ACE: variants seen among roughly 807,000 people sequenced by gnomAD.
ACE encodes the protein angiotensin I converting enzyme, also known as angiotensin-converting enzyme.
A neutral mutation model predicts 162.3 loss-of-function variants in ACE; 122 were observed. The ratio of observed to expected loss-of-function variants is 0.75; its 90% CI spans 0.65 to 0.87. The LOEUF is 0.87. Ranked by LOEUF, ACE falls within the 40% of genes least tolerant of loss-of-function variation. The pLI is 0.00. For missense variants in ACE, 1,799 were observed against 1,735.1 expected (o/e 1.04, Z -0.65); for synonymous variants, 796 against 720.6 (o/e 1.10, Z -1.68).
At chr17:63,486,797 C>T (rs1425819717) in intron 14 of ACE, 82 bp downstream of exon 14, 9 of 1,567,074 alleles carry the variant, frequency 5.7e-6, no homozygotes, top group African/African-American at 1.4e-5. Flanking sequence ...CTTCACGCTG[C>T]TTCCTCTTCC....
At chr17:63,492,021 T>G (rs933538800) in intron 19 of ACE, among the ~76,000 whole-genome samples, 8 of 152,196 alleles carry the variant, frequency 5.3e-5, no homozygotes, top group Non-Finnish European at 1.0e-4. Context: ...CAGTTCTGGC[T>G]GTCGGTTGAG....
In ACE at chr17:63,487,018, C is replaced by G; in HGVS notation, c.2250C>G (p.Thr750=). The G allele has an allele frequency of 6.2e-7, 1 of 1,613,942 alleles. No individual in the cohort carries two copies. The highest frequency in any genetic ancestry group is 1.3e-5 in the African/African-American group (1 of 75,052). Residue 750 remains threonine (T), a synonymous_variant, in exon 15 of 25, where the codon ACC becomes ACG. Transcript: ENST00000290866. ...YNKILLDMET[T]YSVATVCHPN... is the part of the protein sequence containing the mutation. Reference sequence around the variant, plus strand: ...AGATCCTGTTGGATATGGAAACCACCTACAGCGTGGCCACTGTGTGCCACC... The same window carrying G: ...AGATCCTGTTGGATATGGAAACCACGTACAGCGTGGCCACTGTGTGCCACC...
chr17:63,484,052 C>G lies in ACE; in HGVS notation c.1709+81C>G. On this transcript the variant is annotated intron_variant, in intron 11 of 24. Coordinates refer to ENST00000290866, the MANE Select transcript of ACE (RefSeq NM_000789.4). This position sits in a 1 kb window ranked among gnomAD's most constrained non-coding sequence, Gnocchi z 4.0. ...GTGTGGCAGGAGGTGTCTGGCTGCT[C>G]TGATGGGGTGGGGGGCACCAACCAC... The G allele has an allele frequency of 6.5e-7, 1 of 1,535,338 alleles. No homozygotes were observed.
At chr17:63,489,258 T>C in intron 17 of ACE, 126 bp downstream of exon 17, 1 of 1,211,312 alleles carries the variant, frequency 8.3e-7, no homozygotes, top group Non-Finnish European at 1.2e-6. Flanking sequence ...CTGTGGGGGA[T>C]GGTTGCCCAG....
Position 63,497,810 on chromosome 17 carries a change from C to T in ACE, c.*444C>T, listed in dbSNP as rs562572132. 14 of 347,492 alleles carry T rather than the reference C, an allele frequency of 4.0e-5. No individual in the cohort carries two copies. The highest frequency in any genetic ancestry group is 2.4e-4 in the East Asian group (3 of 12,678). 21.5% of individuals were successfully genotyped at this position (347,492 alleles called of 1,614,324 possible). A position where few individuals can be genotyped will look rare whatever the true frequency, so the allele number is the denominator to read the frequency against. ...TGTCTTCCCTCCAGCCCAGGCAGCCCGCCACTGTCCTGCCACCGCAGGCAG... is the reference window on the plus strand; with the variant it reads ...TGTCTTCCCTCCAGCCCAGGCAGCCTGCCACTGTCCTGCCACCGCAGGCAG... On this transcript the variant is annotated 3_prime_UTR_variant, in exon 25 of 25. Coordinates refer to ENST00000290866, the MANE Select transcript of ACE (RefSeq NM_000789.4).
Position 63,479,756 on chromosome 17 carries a change from G to T in ACE, c.512-13G>T, listed in dbSNP as rs762008782. On this transcript the variant is annotated splice_polypyrimidine_tract_variant and intron_variant, in intron 3 of 24. Transcript: ENST00000290866. ...GGAGGCCTCCTCACCGACCCTGCCTGCCTGTGTCTCAGATCTCACCAACAT... is the reference window on the plus strand; with the variant it reads ...GGAGGCCTCCTCACCGACCCTGCCTTCCTGTGTCTCAGATCTCACCAACAT... The T allele has an allele frequency of 6.2e-7, 1 of 1,613,038 alleles. No individual in the cohort carries two copies. The highest frequency in any genetic ancestry group is 8.5e-7 in the Non-Finnish European group (1 of 1,180,012).
At chr17:63,494,577 CGG>C in intron 22 of ACE, 107 bp downstream of exon 22, 2 of 1,045,746 alleles carry the variant, frequency 1.9e-6, no homozygotes, top group Non-Finnish European at 2.9e-6. Context: ...AGGGCAGACC[CGG>C]GGGAGCCGGC....
chr17:63,483,143 C>T lies in ACE; in HGVS notation c.1457C>T (p.Ser486Phe), dbSNP rs748305912. 2 of 1,614,082 alleles carry T rather than the reference C, an allele frequency of 1.2e-6. No homozygotes were observed. Among genetic ancestry groups the T allele is most frequent in the Non-Finnish European group, 1.7e-6 (2 of 1,180,026 alleles). Reference protein sequence around the residue: ...WGVFSGRTPPSRYNFDWWYLR... With the variant: ...WGVFSGRTPPFRYNFDWWYLR... ...GTCTTTAGTGGGCGTACCCCCCCTT[C>T]CCGCTACAACTTCGACTGGTGGTAT... The change falls in exon 9 of 25, where the codon TCC (serine) becomes TTC (phenylalanine). Residue 486 changes from serine to phenylalanine, a missense_variant. Transcript: ENST00000290866.
chr17:63,483,133 A>G lies in ACE; in HGVS notation c.1447A>G (p.Thr483Ala), dbSNP rs1568038525. 3 of 1,612,798 alleles carry G rather than the reference A, an allele frequency of 1.9e-6. No individual in the cohort carries two copies. The highest frequency in any genetic ancestry group is 2.2e-5 in the East Asian group (1 of 44,830). The change falls in exon 9 of 25, where the codon ACC (threonine) becomes GCC (alanine). Residue 483 changes from threonine (T) to alanine (A), a missense_variant. By Grantham distance (58) the Thr-to-Ala change is moderately conservative. Coordinates refer to ENST00000290866, the MANE Select transcript of ACE (RefSeq NM_000789.4). The stretch of plus-strand genomic sequence containing the variant: ...GCGCTGGGGGGTCTTTAGTGGGCGT[A>G]CCCCCCCTTCCCGCTACAACTTCGA... The part of the protein sequence containing the change: ...QWRWGVFSGR[T>A]PPSRYNFDWW...
Position 63,491,298 on chromosome 17 carries a change from G to A in ACE, c.2829G>A (p.Lys943=), listed in dbSNP as rs1456982290. Residue 943 remains lysine, a synonymous_variant, in exon 19 of 25, where the codon AAG becomes AAA. Transcript: ENST00000290866. The surrounding 1 kb of genome is among the most constrained non-coding windows in gnomAD (Gnocchi z 4.4). The stretch of plus-strand genomic sequence containing the variant: ...CCGTGCCTCCTGAGTTCTGGAACAA[G>A]TCGATGCTGGAGAAGCCAACCGACG... The part of the protein sequence containing the change: ...LLPVPPEFWN[K]SMLEKPTDGR... 6.2e-7 allele frequency: 1 copy of A among 1,614,204 alleles called. No individual in the cohort carries two copies. Among genetic ancestry groups the A allele is most frequent in the African/African-American group, 1.3e-5 (1 of 75,056 alleles).
In ACE at chr17:63,481,682, G is replaced by C. The variant is rs1052121324; in HGVS notation, c.1062G>C (p.Gly354=). Reference sequence around the variant, plus strand: ...CGATGCTGGAGAAGCCGGCCGACGGGCGGGAAGTGGTGTGCCACGCCTCGG... The same window carrying C: ...CGATGCTGGAGAAGCCGGCCGACGGCCGGGAAGTGGTGTGCCACGCCTCGG... ...EGSMLEKPAD[G]REVVCHASAW... Residue 354 remains glycine, a synonymous_variant, in exon 7 of 25, where the codon GGG becomes GGC. Transcript: ENST00000290866. 43 of 1,614,084 alleles carry C rather than the reference G, an allele frequency of 2.7e-5. No homozygotes were observed. Among genetic ancestry groups the C allele is most frequent in the Non-Finnish European group, 3.5e-5 (41 of 1,180,040 alleles).
rs1006596447 is a variant in ACE, at chr17:63,484,667, C to T, written c.1921+126C>T. ...TGGTACCCTGTCCTGGAGGGCCAGG[C>T]AGCCCCCCAAGCTCATCAGCAGGGC... On this transcript the variant is annotated intron_variant, in intron 12 of 24. Transcript: ENST00000290866. This position sits in a 1 kb window ranked among gnomAD's most constrained non-coding sequence, Gnocchi z 4.0. The T allele has an allele frequency of 3.8e-5, 54 of 1,439,450 alleles. No individual in the cohort carries two copies. The highest frequency in any genetic ancestry group is 5.0e-5 in the Non-Finnish European group (54 of 1,087,806). 89.2% of individuals were successfully genotyped at this position (1,439,450 alleles called of 1,614,324 possible). A position where few individuals can be genotyped will look rare whatever the true frequency, so the allele number is the denominator to read the frequency against.
intron 23 of ACE, 63 bp downstream of exon 23, chr17:63,496,579 G>A: frequency 6.2e-7 from 1 of 1,612,080 alleles, no homozygotes. Flanking sequence ...GCCTTGAGGG[G>A]TCTGTCCACT....
chr17:63,487,165 C>T lies in ACE; in HGVS notation c.2305+92C>T, dbSNP rs1370443310. 2.5e-5 allele frequency: 27 copies of T among 1,093,834 alleles called. No individual in the cohort carries two copies. The South Asian group carries it at 3.1e-4, about 13-fold the overall frequency. The allele number at this position is 1,093,834 out of a possible 1,614,324, so 67.8% of individuals were successfully genotyped here. A position where few individuals can be genotyped will look rare whatever the true frequency, so the allele number is the denominator to read the frequency against. ...GGGTGAGAGCACAGAGTTGGGTTCC[C>T]CTCGCTCTTGGGGTCAGCGTGCCCA... On this transcript the variant is annotated intron_variant, in intron 15 of 24. Transcript: ENST00000290866.
intron 22 of ACE, 134 bp downstream of exon 22, chr17:63,494,604 G>A: frequency 1.3e-6 from 1 of 776,600 alleles, no homozygotes; most frequent in Non-Finnish European, 2.2e-6. Flanking sequence ...CGGTGCAGGT[G>A]CCTGGGCCCA....
chr17:63,497,102 G>C (rs1054899456), intron 24 of ACE, 35 bp from the exon 25 acceptor site: 2 of 1,595,922 alleles, frequency 1.3e-6, no homozygotes, highest in Admixed American at 1.7e-5. Flanking sequence ...GCCCTGCCCT[G>C]CCCTGCCCAT....
At position 63,493,470 on chromosome 17, in the gene ACE, C is replaced by T. The variant is rs1041542720; in HGVS notation, c.2947C>T (p.Leu983=). 4 of 1,614,024 alleles carry T rather than the reference C, an allele frequency of 2.5e-6. No individual in the cohort carries two copies. The highest frequency in any genetic ancestry group is 2.7e-5 in the African/African-American group (2 of 74,916). Residue 983 remains leucine, a synonymous_variant, in exon 20 of 25, where the codon CTG becomes TTG. Transcript: ENST00000290866. The part of the protein sequence containing the change: ...KQCTTVNLED[L]VVAHHEMGHI... ...GTGCACCACCGTGAACTTGGAGGACCTGGTGGTGGCCCACCACGAAATGGG... is the reference window on the plus strand; with the variant it reads ...GTGCACCACCGTGAACTTGGAGGACTTGGTGGTGGCCCACCACGAAATGGG...
At chr17:63,478,222 A>G (rs1425059844) in intron 2 of ACE, 124 bp downstream of exon 2, 2 of 1,281,166 alleles carry the variant, frequency 1.6e-6, no homozygotes, top group Admixed American at 4.5e-5. Flanking sequence ...GACAGAAGGG[A>G]AAGCCCAGGT....
rs777019268 is a variant in ACE at position 63,497,128 on chromosome 17, C to T, written c.3692-9C>T. 6.2e-6 allele frequency: 10 copies of T among 1,602,448 alleles called. No homozygotes were observed. Among genetic ancestry groups the T allele is most frequent in the Non-Finnish European group, 6.8e-6 (8 of 1,178,366 alleles). ...CCCTGCCCATGCTGTCTCCTTGCTT[C>T]CCGCTCAGCTCGCTCAGAAGGGCCC... On this transcript the variant is annotated splice_polypyrimidine_tract_variant and intron_variant, in intron 24 of 24. Coordinates refer to ENST00000290866, the MANE Select transcript of ACE (RefSeq NM_000789.4).
Sources: gnomAD v4.1 joint callset for allele counts (sites outside exome capture counted in the v4.1 genomes callset) on GRCh38, gnomAD v4.1.1 for gene constraint, Gnocchi (gnomAD v3.1) non-coding constraint, MANE v1.5 for transcripts, NCBI Gene and HGNC (gene_info 2026-07-23, HGNC 2026-07-21) for gene names.